The following H6PD variants were observed in gnomAD, a reference collection of about 807,000 sequenced individuals.
H6PD encodes hexose-6-phosphate dehydrogenase/glucose 1-dehydrogenase, also known as GDH/6PGL endoplasmic bifunctional protein.
A neutral mutation model predicts 61.2 loss-of-function variants in H6PD; 48 were observed. That is an observed-to-expected ratio of 0.78 (90% CI 0.62 to 1.00). H6PD has a LOEUF of 1.00. Ranked by LOEUF, H6PD falls within the 50% of genes least tolerant of loss-of-function variation. The probability of loss-of-function intolerance (pLI) is 0.00; values close to 1 mark genes in which losing one functional copy is unlikely to be tolerated. For missense variants in H6PD, 1,093 were observed against 1,065.0 expected (o/e 1.03, Z -0.37); for synonymous variants, 480 against 457.9 (o/e 1.05, Z -0.62).
rs1159435208 is a variant in H6PD, at chr1:9,262,056, C to T, written c.746-3C>T. 4 of 1,614,176 alleles carry T rather than the reference C, an allele frequency of 2.5e-6. No homozygotes were observed. The highest frequency in any genetic ancestry group is 4.5e-5 in the East Asian group (2 of 44,884). ...TCCCCACTTCTCCACCTCCCTCCAC[C>T]AGGCCGCACCAGCTTCTATGAGGAG... On this transcript the variant is annotated splice_region_variant and splice_polypyrimidine_tract_variant and intron_variant, in intron 3 of 4. Coordinates refer to ENST00000377403, the MANE Select transcript of H6PD (RefSeq NM_004285.4).
chr1:9,259,836 G>A (rs1468898379), intron 3 of H6PD, among the ~76,000 whole-genome samples: 2 of 151,462 alleles, frequency 1.3e-5, no homozygotes, highest in East Asian at 1.9e-4. Context: ...TTATGCTGGT[G>A]TTGTTTTGTT....
chr1:9,262,773 A>G (rs1222024881), intron 4 of H6PD, among the ~76,000 whole-genome samples: 1 of 152,150 alleles, frequency 6.6e-6, no homozygotes, highest in South Asian at 2.1e-4. Flanking sequence ...CTGGCTCCTC[A>G]CCAGGTAGCA....
Position 9,268,238 on chromosome 1 carries a change from CA to C in H6PD, c.*3390del, listed in dbSNP as rs745801230. ...TGGAAAACAGAGTGAGACCCTATCT[CA>C]AAAAAAAAAAAAAAAAAAAAGGAAA... On this transcript the variant is annotated 3_prime_UTR_variant, in exon 5 of 5. Coordinates refer to ENST00000377403, the MANE Select transcript of H6PD (RefSeq NM_004285.4). The C allele has an allele frequency of 0.27, 29,966 of 111,346 alleles. 2,935 individuals carry two copies. Among genetic ancestry groups the C allele is most frequent in the African/African-American group, 0.32 (9,489 of 29,278 alleles). The allele number at this position is 111,346 out of a possible 1,614,324, so 6.9% of individuals were successfully genotyped here. A position where few individuals can be genotyped will look rare whatever the true frequency, so the allele number is the denominator to read the frequency against.
intron 1 of H6PD, chr1:9,242,887 G>A (rs1000122859): frequency 1.1e-5 from 11 of 985,284 alleles, no homozygotes; most frequent in Admixed American, 1.2e-4. Context: ...CCAGACGAGC[G>A]ATTGCCGGTT....
intron 1 of H6PD, among the ~76,000 whole-genome samples, chr1:9,241,161 C>T (rs957003881): frequency 6.6e-6 from 1 of 152,178 alleles, no homozygotes; most frequent in Non-Finnish European, 1.5e-5. Flanking sequence ...CAATGGTATA[C>T]TACCCTTGGG....
chr1:9,264,949 T>C lies in H6PD; in HGVS notation c.*80T>C. The C allele has an allele frequency of 6.8e-7, 1 of 1,464,044 alleles. No homozygotes were observed. Among genetic ancestry groups the C allele is most frequent in the African/African-American group, 1.4e-5 (1 of 72,114 alleles). 90.7% of individuals were successfully genotyped at this position (1,464,044 alleles called of 1,614,324 possible). On this transcript the variant is annotated 3_prime_UTR_variant, in exon 5 of 5. Coordinates refer to ENST00000377403, the MANE Select transcript of H6PD (RefSeq NM_004285.4). ...TCCCTCCCTTCTCGGCCCCGCCACC[T>C]GCCCAGCGTGCCCTGGCTCTCCAGA...
chr1:9,244,695 T>TA (rs1641106559), intron 1 of H6PD, among the ~76,000 whole-genome samples: 1 of 152,236 alleles, frequency 6.6e-6, no homozygotes, highest in Admixed American at 6.5e-5. Context: ...AAGTGGTCTC[T>TA]AACTTTCCCA....
intron 3 of H6PD, among the ~76,000 whole-genome samples, chr1:9,256,911 T>A (rs1348076717): frequency 1.3e-5 from 2 of 152,160 alleles, no homozygotes; most frequent in Non-Finnish European, 2.9e-5. Context: ...CTAAACAACC[T>A]GTTGTTTAAT....
chr1:9,262,349 T>TG (rs760719453), intron 4 of H6PD, 21 bp downstream of exon 4: 7 of 1,587,672 alleles, frequency 4.4e-6, no homozygotes, highest in Middle Eastern at 2.0e-4. Context: ...GGGCTGGGCA[T>TG]GGGGCACTGG....
Position 9,263,543 on chromosome 1 carries a change from G to A in H6PD, c.1050G>A (p.Glu350=), listed in dbSNP as rs948124664. 2.5e-6 allele frequency: 4 copies of A among 1,614,214 alleles called. No individual in the cohort carries two copies. The highest frequency in any genetic ancestry group is 2.2e-5 in the East Asian group (1 of 44,882). ...VLVHIDNLRW[E]GVPFILMSGK... Reference sequence around the variant, plus strand: ...TGCACATTGACAACCTTCGCTGGGAGGGCGTGCCTTTCATCCTGATGTCTG... The same window carrying A: ...TGCACATTGACAACCTTCGCTGGGAAGGCGTGCCTTTCATCCTGATGTCTG... The change falls in exon 5 of 5, where the codon GAG becomes GAA. Residue 350 remains glutamate (E), a synonymous_variant. Coordinates refer to ENST00000377403, the MANE Select transcript of H6PD (RefSeq NM_004285.4).
In H6PD at chr1:9,263,647, A is replaced by T; in HGVS notation, c.1154A>T (p.His385Leu). 6.2e-7 allele frequency: 1 copy of T among 1,614,178 alleles called. No homozygotes were observed. The change falls in exon 5 of 5, where the codon CAC (histidine) becomes CTC (leucine). Residue 385 changes from histidine to leucine, a missense_variant. Physicochemically the swap from His to Leu is moderately conservative, Grantham distance 99 (BLOSUM62 -3). Coordinates refer to ENST00000377403, the MANE Select transcript of H6PD (RefSeq NM_004285.4). Reference sequence around the variant, plus strand: ...GCCTGCTGTGTGCAGAGCGAAAAGCACTGGGCCGCGGCGCAGAGCCAGTGC... The same window carrying T: ...GCCTGCTGTGTGCAGAGCGAAAAGCTCTGGGCCGCGGCGCAGAGCCAGTGC... ...NQACCVQSEK[H>L]WAAAQSQCLP...
intron 4 of H6PD, 114 bp downstream of exon 4, chr1:9,262,442 A>C: frequency 9.7e-7 from 1 of 1,029,962 alleles, no homozygotes. Flanking sequence ...GATTTCCCCC[A>C]GGGTGCTCGG....
At chr1:9,247,111 C>T in intron 3 of H6PD, 28 bp downstream of exon 3, 2 of 1,418,176 alleles carry the variant, frequency 1.4e-6, no homozygotes, top group Non-Finnish European at 2.0e-6. Flanking sequence ...CGCACTCGGT[C>T]CCCCAGCCTC....
intron 3 of H6PD, among the ~76,000 whole-genome samples, chr1:9,250,702 G>A (rs1016519799): frequency 3.9e-5 from 6 of 152,208 alleles, no homozygotes; most frequent in African/African-American, 1.4e-4. Context: ...GTGCTGGGAA[G>A]GGAGGGGCTG....
At chr1:9,241,499 G>T (rs111800862) in intron 1 of H6PD, among the ~76,000 whole-genome samples, 2,435 of 152,238 alleles carry the variant, frequency 0.016, 64 homozygotes, top group African/African-American at 0.056. Context: ...GACCTCTCGG[G>T]CTCAAGCAGT....
chr1:9,266,725 C>T lies in H6PD; in HGVS notation c.*1856C>T, dbSNP rs1476588798. On this transcript the variant is annotated 3_prime_UTR_variant, in exon 5 of 5. Coordinates refer to ENST00000377403, the MANE Select transcript of H6PD (RefSeq NM_004285.4). ...GGCGGTGGATTTAGAGGAATCCTGG[C>T]TTTCATTTTCAATGCCAGTCTGAGA... 1 of 152,178 alleles carries T rather than the reference C, an allele frequency of 6.6e-6. No homozygotes were observed. Among genetic ancestry groups the T allele is most frequent in the Non-Finnish European group, 1.5e-5 (1 of 68,058 alleles). The allele number at this position is 152,178 out of a possible 1,614,324, so 9.4% of individuals were successfully genotyped here. A position where few individuals can be genotyped will look rare whatever the true frequency, so the allele number is the denominator to read the frequency against.
chr1:9,236,247 C>G (rs1640846158), intron 1 of H6PD, among the ~76,000 whole-genome samples: 1 of 152,128 alleles, frequency 6.6e-6, no homozygotes, highest in Non-Finnish European at 1.5e-5. Flanking sequence ...ACCTCGGCCT[C>G]CCAAAGTGCT....
In H6PD at chr1:9,260,128, C is replaced by T. The variant is rs975546007; in HGVS notation, c.746-1931C>T. 3.3e-5 allele frequency among the ~76,000 whole-genome samples: 5 copies of T among 150,358 alleles called. No homozygotes were observed. In the South Asian group the frequency reaches 8.5e-4, roughly 25 times the overall value. The stretch of plus-strand genomic sequence containing the variant: ...TTATGTTGTTACGCCAGTGTTGTTA[C>T]GTTGCTGTTAGCTGGTGTTATATTG... On this transcript the variant is annotated intron_variant, in intron 3 of 4. Transcript: ENST00000377403.
At chr1:9,240,650 C>G (rs996664037) in intron 1 of H6PD, among the ~76,000 whole-genome samples, 1 of 152,176 alleles carries the variant, frequency 6.6e-6, no homozygotes, top group Non-Finnish European at 1.5e-5. Flanking sequence ...TCAAACTTTT[C>G]ACTAAAGATT....
Sources: allele counts gnomAD v4.1 joint callset (sites outside exome capture counted in the v4.1 genomes callset), GRCh38; gene constraint gnomAD v4.1.1; transcripts MANE v1.5; gene names NCBI Gene and HGNC (gene_info 2026-07-23, HGNC 2026-07-21).